OXSR1: variants seen among roughly 807,000 people sequenced by gnomAD.
OXSR1 encodes the protein oxidative stress responsive kinase 1, also known as serine/threonine-protein kinase OSR1.
Under a neutral mutation model 79.8 loss-of-function variants are expected in OXSR1, and 24 were observed. The ratio of observed to expected loss-of-function variants is 0.30; its 90% CI spans 0.22 to 0.42. OXSR1 has a LOEUF of 0.42. OXSR1 is among the 10% of genes least tolerant of loss of function. The probability of loss-of-function intolerance (pLI) is 1.00; values close to 1 mark genes in which losing one functional copy is unlikely to be tolerated. For synonymous variants in OXSR1, 226 were observed against 209.2 expected (o/e 1.08, Z -0.69); for missense variants, 430 against 618.4 (o/e 0.70, Z 3.23).
intron 4 of OXSR1, among the ~76,000 whole-genome samples, chr3:38,213,092 T>C (rs1013915108): frequency 1.3e-5 from 2 of 152,208 alleles, no homozygotes; most frequent in African/African-American, 2.4e-5. Context: ...GAATGGATTA[T>C]TGTCTCTTCA....
chr3:38,206,039 G>A (rs1009486365), intron 4 of OXSR1, among the ~76,000 whole-genome samples: 1 of 152,048 alleles, frequency 6.6e-6, no homozygotes, highest in Non-Finnish European at 1.5e-5. Context: ...ATACATTTTT[G>A]TTCTATCTAA....
At chr3:38,168,560 C>T (rs1701512947) in intron 1 of OXSR1, among the ~76,000 whole-genome samples, 1 of 152,054 alleles carries the variant, frequency 6.6e-6, no homozygotes, top group Non-Finnish European at 1.5e-5. Flanking sequence ...TTAAAATGTA[C>T]AATTCAATAA....
At chr3:38,169,548 C>T (rs749344245) in intron 1 of OXSR1, among the ~76,000 whole-genome samples, 3 of 151,762 alleles carry the variant, frequency 2.0e-5, no homozygotes, top group Non-Finnish European at 4.4e-5. Flanking sequence ...TCAGGTGATC[C>T]GCCTGCTTGG....
intron 2 of OXSR1, among the ~76,000 whole-genome samples, 195 bp downstream of exon 2, chr3:38,183,310 G>T (rs987128203): frequency 6.6e-6 from 1 of 152,118 alleles, no homozygotes; most frequent in Non-Finnish European, 1.5e-5. Context: ...CTTACTCTGA[G>T]ACTAACATTT....
At chr3:38,193,918 T>A (rs533762848) in intron 3 of OXSR1, among the ~76,000 whole-genome samples, 1 of 152,228 alleles carries the variant, frequency 6.6e-6, no homozygotes, top group Admixed American at 6.5e-5. Context: ...TGCATTTTTT[T>A]AGGAAAATGA....
intron 2 of OXSR1, among the ~76,000 whole-genome samples, chr3:38,187,000 C>A (rs1322640050): frequency 6.6e-6 from 1 of 152,074 alleles, no homozygotes; most frequent in Non-Finnish European, 1.5e-5. Flanking sequence ...TTGTCATAGC[C>A]ATCCTAGTAG....
At chr3:38,215,462 T>C (rs1702464948) in intron 4 of OXSR1, among the ~76,000 whole-genome samples, 1 of 152,142 alleles carries the variant, frequency 6.6e-6, no homozygotes, top group African/African-American at 2.4e-5. Context: ...AAGTTGTAGA[T>C]TTGAATGGAT....
At chr3:38,190,952 C>A in intron 3 of OXSR1, 113 bp downstream of exon 3, 1 of 676,168 alleles carries the variant, frequency 1.5e-6, no homozygotes. Flanking sequence ...TGAGGAGATA[C>A]TGAAAATATA....
intron 1 of OXSR1, among the ~76,000 whole-genome samples, chr3:38,169,762 A>C (rs1320030194): frequency 1.3e-5 from 2 of 150,242 alleles, no homozygotes; most frequent in East Asian, 3.9e-4. Flanking sequence ...TTTTTGAGAC[A>C]GTCTTACTCT....
chr3:38,233,949 T>C (rs1702865588), intron 10 of OXSR1, among the ~76,000 whole-genome samples: 1 of 151,674 alleles, frequency 6.6e-6, no homozygotes, highest in Admixed American at 6.6e-5. Context: ...TCACAAAAAG[T>C]GAACATGACA....
rs532902752 is a variant in OXSR1, at chr3:38,179,497, C to G, written c.71-3506C>G. Among the ~76,000 whole-genome samples, 4 of 152,240 alleles carry G rather than the reference C, an allele frequency of 2.6e-5. No individual in the cohort carries two copies. In the South Asian group the frequency reaches 8.3e-4, roughly 32 times the overall value. On this transcript the variant is annotated intron_variant, in intron 1 of 17. Coordinates refer to ENST00000311806, the MANE Select transcript of OXSR1 (RefSeq NM_005109.3). ...CAGCTTTATTGAGATATAATTCACA[C>G]ACCATAAAATTTATCCTTTTAAAGT...
In OXSR1 at chr3:38,210,618, C is replaced by T. The variant is rs112245510; in HGVS notation, c.435-5478C>T. Among the ~76,000 whole-genome samples, 872 of 152,172 alleles carry T rather than the reference C, an allele frequency of 5.7e-3. 12 individuals carry two copies. The highest frequency in any genetic ancestry group is 0.019 in the African/African-American group (799 of 41,516). On this transcript the variant is annotated intron_variant, in intron 4 of 17. Coordinates refer to ENST00000311806, the MANE Select transcript of OXSR1 (RefSeq NM_005109.3). ...TCTCAAGCTGTTCCACACTGAGCCT[C>T]CAGACATTTGTCAACTACAATTTAA... is the stretch of plus-strand genomic sequence containing the variant.
chr3:38,183,242 ATAT>A, intron 2 of OXSR1, 127 bp downstream of exon 2: 5 of 449,784 alleles, frequency 1.1e-5, no homozygotes, highest in Non-Finnish European at 1.9e-5. Context: ...TTAATAAATA[ATAT>A]TCATTGTAAA....
chr3:38,221,294 T>A (rs1335413598), intron 5 of OXSR1, among the ~76,000 whole-genome samples: 4 of 152,066 alleles, frequency 2.6e-5, no homozygotes, highest in African/African-American at 9.7e-5. Context: ...TTTGTTTTTT[T>A]TGTTTTGTAA....
intron 5 of OXSR1, among the ~76,000 whole-genome samples, chr3:38,217,301 C>A (rs1242654389): frequency 1.3e-5 from 2 of 152,142 alleles, no homozygotes; most frequent in African/African-American, 4.8e-5. Context: ...GGAAAAAAAT[C>A]TCATTTCTGA....
At position 38,252,953 on chromosome 3, in the gene OXSR1, A is replaced by G. The variant is rs1307362332; in HGVS notation, c.*62A>G. ...ACACATGCGTATCTCTGTTGCTTCT[A>G]TTGGCCTAAACCCACTACTGCCAAA... On this transcript the variant is annotated 3_prime_UTR_variant, in exon 18 of 18. Coordinates refer to ENST00000311806, the MANE Select transcript of OXSR1 (RefSeq NM_005109.3). 5.8e-6 allele frequency: 8 copies of G among 1,388,288 alleles called. No homozygotes were observed. The highest frequency in any genetic ancestry group is 3.4e-5 in the Admixed American group (2 of 59,340). The allele number at this position is 1,388,288 out of a possible 1,614,324, so 86.0% of individuals were successfully genotyped here.
intron 4 of OXSR1, among the ~76,000 whole-genome samples, chr3:38,205,296 G>A (rs763583585): frequency 5.3e-5 from 8 of 152,210 alleles, no homozygotes; most frequent in Admixed American, 3.9e-4. Context: ...TTTCATGTAG[G>A]TAGTTGTTCA....
At chr3:38,176,905 C>G (rs1007233962) in intron 1 of OXSR1, among the ~76,000 whole-genome samples, 1 of 152,110 alleles carries the variant, frequency 6.6e-6, no homozygotes, top group Admixed American at 6.6e-5. Flanking sequence ...ATTTTTAACC[C>G]CAGCATGGTT....
rs1703171528 is a variant in OXSR1, at chr3:38,247,721, A to G, written c.1311A>G (p.Val437=). The stretch of plus-strand genomic sequence containing the variant: ...AAACCAAGATCCCAATCAGTCTAGT[A>G]CTAAGATTAAGGTAAGTAGACATTT... ...SQETKIPISL[V]LRLRNSKKEL... Residue 437 remains valine, a synonymous_variant, in exon 14 of 18, where the codon GTA becomes GTG. Coordinates refer to ENST00000311806, the MANE Select transcript of OXSR1 (RefSeq NM_005109.3). 6.2e-7 allele frequency: 1 copy of G among 1,607,024 alleles called. No individual in the cohort carries two copies. The highest frequency in any genetic ancestry group is 1.7e-5 in the Admixed American group (1 of 59,890).
Sources: allele counts gnomAD v4.1 joint callset (sites outside exome capture counted in the v4.1 genomes callset), GRCh38; gene constraint gnomAD v4.1.1; transcripts MANE v1.5; gene names NCBI Gene and HGNC (gene_info 2026-07-23, HGNC 2026-07-21).